SCMH1: variants seen among roughly 807,000 people sequenced by gnomAD.
SCMH1 encodes polycomb protein SCMH1.
A neutral mutation model predicts 70.8 loss-of-function variants in SCMH1; 37 were observed. The ratio of observed to expected loss-of-function variants is 0.52; its 90% confidence interval spans 0.40 to 0.69. The LOEUF is 0.69. Among genes scored for constraint, SCMH1 ranks in the 30% least tolerant of loss-of-function variants. The pLI, the probability that SCMH1 is intolerant of heterozygous loss-of-function variation, is 0.00. For synonymous variants in SCMH1, 292 were observed against 307.4 expected (o/e 0.95, Z 0.52); for missense variants, 607 against 827.3 (o/e 0.73, Z 3.27).
intron 8 of SCMH1, among the ~76,000 whole-genome samples, chr1:41,109,449 G>A (rs1043763913): frequency 6.6e-6 from 1 of 152,200 alleles, no homozygotes; most frequent in Non-Finnish European, 1.5e-5. Flanking sequence ...TTTGTGAAAT[G>A]AATTGAGTAA....
intron 12 of SCMH1, among the ~76,000 whole-genome samples, chr1:41,041,933 A>G (rs1383700026): frequency 6.6e-6 from 1 of 152,130 alleles, no homozygotes; most frequent in African/African-American, 2.4e-5. Flanking sequence ...AGTGAAATCA[A>G]TACAATCTCC....
chr1:41,205,026 GAAAA>G (rs1655184623), intron 1 of SCMH1, among the ~76,000 whole-genome samples: 1 of 152,308 alleles, frequency 6.6e-6, no homozygotes, highest in South Asian at 2.1e-4. Context: ...ATTTCTGAGA[GAAAA>G]ACAGTTAAGG....
intron 6 of SCMH1, among the ~76,000 whole-genome samples, chr1:41,118,451 T>G (rs1200819649): frequency 6.6e-6 from 1 of 152,192 alleles, no homozygotes; most frequent in African/African-American, 2.4e-5. Context: ...TGTCAACCGA[T>G]AAACCCAATA....
At chr1:41,179,620 T>G (rs1031634090) in intron 2 of SCMH1, among the ~76,000 whole-genome samples, 2 of 152,086 alleles carry the variant, frequency 1.3e-5, no homozygotes, top group Non-Finnish European at 2.9e-5. Flanking sequence ...CTAGAAGAAA[T>G]GGATAAATTC....
rs1229495282 is a variant in SCMH1, at chr1:41,144,589, A to T, written c.178-1477T>A. On this transcript the variant is annotated intron_variant, in intron 5 of 14. Transcript: ENST00000337495. ...ATTTATGGTATATTTTTCTGTGGAC[A>T]TGTTTTCTATTCTCTTACGTATATA... 3.3e-5 allele frequency among the ~76,000 whole-genome samples: 5 copies of T among 152,146 alleles called. No individual in the cohort carries two copies. The East Asian group carries it at 9.6e-4, about 29-fold the overall frequency.
chr1:41,201,283 G>A lies in SCMH1; in HGVS notation c.-117-15033C>T, dbSNP rs114990372. ...GAATCCTACAGAATTACAAACTTGAGGGTAAACATGGTTTCTCTGTATCAA... is the reference window on the plus strand; with the variant it reads ...GAATCCTACAGAATTACAAACTTGAAGGTAAACATGGTTTCTCTGTATCAA... On this transcript the variant is annotated intron_variant, in intron 1 of 14. Transcript: ENST00000337495. Among the ~76,000 whole-genome samples, 614 of 152,242 alleles carry A rather than the reference G, an allele frequency of 4.0e-3. 3 individuals carry two copies. The highest frequency in any genetic ancestry group is 6.3e-3 in the Non-Finnish European group (429 of 68,010).
At chr1:41,180,590 AT>A (rs1648459295) in intron 2 of SCMH1, among the ~76,000 whole-genome samples, 1 of 152,226 alleles carries the variant, frequency 6.6e-6, no homozygotes, top group Non-Finnish European at 1.5e-5. Flanking sequence ...GTGAACTCCC[AT>A]TCACAATTGC....
At chr1:41,104,370 G>A (rs191636281) in intron 8 of SCMH1, among the ~76,000 whole-genome samples, 17 of 152,310 alleles carry the variant, frequency 1.1e-4, no homozygotes, top group Non-Finnish European at 2.1e-4. Flanking sequence ...GGAGGAAATG[G>A]TATATAAATA....
intron 10 of SCMH1, among the ~76,000 whole-genome samples, chr1:41,054,677 A>G (rs1397047262): frequency 6.6e-6 from 1 of 152,216 alleles, no homozygotes; most frequent in African/African-American, 2.4e-5. Flanking sequence ...CAGCAGCTGA[A>G]TAGGAAGCCC....
chr1:41,210,114 A>T (rs992492515), intron 1 of SCMH1, among the ~76,000 whole-genome samples: 1 of 152,148 alleles, frequency 6.6e-6, no homozygotes, highest in Non-Finnish European at 1.5e-5. Flanking sequence ...CACAATTGCT[A>T]CAAAGAGAAT....
intron 6 of SCMH1, among the ~76,000 whole-genome samples, chr1:41,134,095 C>T (rs144887680): frequency 1.5e-3 from 224 of 152,270 alleles, no homozygotes; most frequent in Middle Eastern, 3.4e-3. Context: ...ACAATCAAGT[C>T]GGCTTCATCC....
At chr1:41,099,252 T>C (rs1429500902) in intron 8 of SCMH1, 1 of 153,124 alleles carries the variant, frequency 6.5e-6, no homozygotes, top group African/African-American at 2.4e-5. Context: ...TATATTACAT[T>C]AGTGCTTTGA....
At chr1:41,039,538 C>T (rs370227198) in intron 12 of SCMH1, among the ~76,000 whole-genome samples, 2 of 151,644 alleles carry the variant, frequency 1.3e-5, no homozygotes, top group East Asian at 3.9e-4. Flanking sequence ...TACAGTGGCA[C>T]AACTCACTGC....
At chr1:41,120,084 A>G (rs1241190568) in intron 6 of SCMH1, among the ~76,000 whole-genome samples, 1 of 152,172 alleles carries the variant, frequency 6.6e-6, no homozygotes, top group Non-Finnish European at 1.5e-5. Flanking sequence ...GTTTTAGAGA[A>G]GTGGTCTATA....
intron 1 of SCMH1, among the ~76,000 whole-genome samples, chr1:41,236,563 A>G (rs1170750686): frequency 1.3e-5 from 2 of 152,200 alleles, no homozygotes; most frequent in African/African-American, 4.8e-5. Flanking sequence ...TGGGACAAAG[A>G]TAACAGGTGA....
intron 8 of SCMH1, chr1:41,099,187 G>A: frequency 5.2e-6 from 1 of 190,842 alleles, no homozygotes; most frequent in Admixed American, 5.1e-5. Flanking sequence ...TAAAAATATA[G>A]CAAATCTAAA....
intron 2 of SCMH1, among the ~76,000 whole-genome samples, chr1:41,183,496 C>T (rs1259506827): frequency 2.6e-5 from 4 of 152,146 alleles, no homozygotes; most frequent in African/African-American, 9.7e-5. Flanking sequence ...TTATTCCTCA[C>T]AGTCCAGGAC....
chr1:41,095,451 T>C (rs774824096), intron 8 of SCMH1, among the ~76,000 whole-genome samples: 5 of 152,170 alleles, frequency 3.3e-5, no homozygotes, highest in East Asian at 1.9e-4. Context: ...AGCACACGTA[T>C]TGGGCAGTGA....
intron 11 of SCMH1, among the ~76,000 whole-genome samples, chr1:41,047,051 A>G (rs1646959279): frequency 6.6e-6 from 1 of 152,206 alleles, no homozygotes; most frequent in African/African-American, 2.4e-5. Flanking sequence ...TAAGGGCACT[A>G]GAATTTTGGC....
Sources: gnomAD v4.1 joint callset for allele counts (sites outside exome capture counted in the v4.1 genomes callset) on GRCh38, gnomAD v4.1.1 for gene constraint, MANE v1.5 for transcripts, NCBI Gene and HGNC (gene_info 2026-07-23, HGNC 2026-07-21) for gene names.